Variants in SETD2 observed in about 807,000 individuals in gnomAD.
SETD2 encodes histone-lysine N-methyltransferase SETD2.
SETD2 carries 31 observed loss-of-function variants against 242.1 expected under a neutral mutation model. That is an observed-to-expected ratio of 0.13 (90% CI 0.10 to 0.17). The LOEUF is 0.17. SETD2 is among the 10% of genes least tolerant of loss of function. The pLI is 1.00. For synonymous variants in SETD2, 1,006 were observed against 1,066.5 expected (o/e 0.94, Z 1.11); for missense variants, 2,481 against 3,046.3 (o/e 0.81, Z 4.37).
At chr3:47,105,878 G>A (rs2042394507) in intron 6 of SETD2, 119 bp downstream of exon 6, 2 of 1,189,792 alleles carry the variant, frequency 1.7e-6, no homozygotes, top group Middle Eastern at 2.1e-4. Context: ...ACTCCAGCCT[G>A]GGCGATAGAG....
At chr3:47,153,627 C>A (rs1264534007) in intron 1 of SETD2, among the ~76,000 whole-genome samples, 1 of 152,094 alleles carries the variant, frequency 6.6e-6, no homozygotes, top group South Asian at 2.1e-4. Context: ...GTGGCGCATG[C>A]CTGTTGTCCC....
rs747391146 is a variant in SETD2, at chr3:47,122,790, C to G, written c.1846G>C (p.Ala616Pro). Residue 616 changes from alanine to proline, a missense_variant, in exon 3 of 21, where the codon GCT becomes CCT. This residue lies in a region of SETD2 where 1,300 missense variants were observed against 1,259.2 expected (regional missense o/e 1.03). Transcript: ENST00000409792. ...GAATCATTTAATCGATTTGATGGAG[C>G]TGGAGACCCAGCCTTTTCTCTTTCA... is the stretch of plus-strand genomic sequence containing the variant. ...NPEREKAGSP[A>P]PSNRLNDSPT... The G allele has an allele frequency of 3.7e-6, 6 of 1,612,694 alleles. 1 individual carries two copies. Among genetic ancestry groups the G allele is most frequent in the South Asian group, 2.2e-5 (2 of 90,850 alleles).
At chr3:47,097,884 C>T (rs2107673566) in intron 9 of SETD2, 71 bp downstream of exon 9, 12 of 1,521,734 alleles carry the variant, frequency 7.9e-6, no homozygotes, top group Admixed American at 5.1e-5. Flanking sequence ...ACTTTATAAC[C>T]TTCAATCAGA....
chr3:47,062,287 G>A lies in SETD2; in HGVS notation c.6169C>T (p.Pro2057Ser), dbSNP rs146911485. 1.3e-4 allele frequency: 213 copies of A among 1,613,644 alleles called. No individual in the cohort carries two copies. The highest frequency in any genetic ancestry group is 1.7e-4 in the Non-Finnish European group (198 of 1,179,930). The change falls in exon 14 of 21, where the codon CCT (proline) becomes TCT (serine). Residue 2057 changes from proline to serine, a missense_variant. Transcript: ENST00000409792. ...FRDQTPAPKTPNRSRERDPDK... is the reference protein window; with the variant it reads ...FRDQTPAPKTSNRSRERDPDK... ...GGGTCTCTCTCTCTTGACCTATTAGGAGTCTTCGGGGCAGGTGTTTGATCT... is the reference window on the plus strand; with the variant it reads ...GGGTCTCTCTCTCTTGACCTATTAGAAGTCTTCGGGGCAGGTGTTTGATCT...
At chr3:47,072,251 T>C (rs2040855841) in intron 12 of SETD2, among the ~76,000 whole-genome samples, 2 of 152,044 alleles carry the variant, frequency 1.3e-5, no homozygotes, top group African/African-American at 4.8e-5. Context: ...GAGCTTGCAG[T>C]GAGCTGAGAT....
At chr3:47,084,491 C>T (rs1176643919) in intron 11 of SETD2, 109 bp from the exon 12 acceptor site, 2 of 716,646 alleles carry the variant, frequency 2.8e-6, no homozygotes, top group Non-Finnish European at 4.6e-6. Flanking sequence ...ATGGCATGAT[C>T]TTGGCTCACT....
chr3:47,072,536 C>A (rs2040869664), intron 12 of SETD2, among the ~76,000 whole-genome samples: 1 of 151,776 alleles, frequency 6.6e-6, no homozygotes, highest in African/African-American at 2.4e-5. Context: ...AGACTGCAAG[C>A]AAGCCTGGGT....
At chr3:47,143,504 T>C (rs930029656) in intron 1 of SETD2, among the ~76,000 whole-genome samples, 2 of 152,156 alleles carry the variant, frequency 1.3e-5, no homozygotes, top group African/African-American at 2.4e-5. Flanking sequence ...AACAGAAAAA[T>C]AAGAGTATTT....
rs199660711 is a variant in SETD2, at chr3:47,161,753, A to AT, written c.71+2100dup. On this transcript the variant is annotated intron_variant, in intron 1 of 20. Coordinates refer to ENST00000409792, the MANE Select transcript of SETD2 (RefSeq NM_014159.7). Reference sequence around the variant, plus strand: ...GGATTCAAAACCAGTAACGTAATTTATTTTTTTTTAATTAGCTGGGTGTGG... The same window carrying AT: ...GGATTCAAAACCAGTAACGTAATTTATTTTTTTTTTAATTAGCTGGGTGTGG... Among the ~76,000 whole-genome samples the AT allele has an allele frequency of 2.4e-3, 367 of 151,440 alleles. 1 individual carries two copies. Among genetic ancestry groups the AT allele is most frequent in the Non-Finnish European group, 4.3e-3 (293 of 67,800 alleles).
intron 4 of SETD2, among the ~76,000 whole-genome samples, chr3:47,114,752 G>A (rs1204067239): frequency 7.2e-5 from 11 of 151,820 alleles, no homozygotes; most frequent in East Asian, 1.9e-4. Flanking sequence ...GATGGTGCAC[G>A]CCTGTAATCC....
chr3:47,137,241 G>A (rs943876976), intron 1 of SETD2, among the ~76,000 whole-genome samples: 16 of 151,988 alleles, frequency 1.1e-4, no homozygotes, highest in African/African-American at 3.9e-4. Flanking sequence ...TCGCCAGGCT[G>A]GATTGCAGTA....
chr3:47,057,476 G>T lies in SETD2; in HGVS notation c.6308C>A (p.Thr2103Asn). ...TTTAATTCGTACTTTCTTTTTAGAA[G>T]TTGGTGTATCATATCTAGAAAGAAA... is the stretch of plus-strand genomic sequence containing the variant. ...KRPDDRYDTP[T>N]SKKKVRIKDR... Residue 2103 changes from threonine (T) to asparagine (N), a missense_variant, in exon 15 of 21, where the codon ACT becomes AAT. By Grantham distance (65) the Thr-to-Asn change is moderately conservative. This residue lies in a region of SETD2 where 80 missense variants were observed against 102.6 expected (regional missense o/e 0.78). Transcript: ENST00000409792. 1.2e-6 allele frequency: 2 copies of T among 1,613,770 alleles called. No individual in the cohort carries two copies. Among genetic ancestry groups the T allele is most frequent in the Non-Finnish European group, 1.7e-6 (2 of 1,179,770 alleles).
intron 12 of SETD2, among the ~76,000 whole-genome samples, chr3:47,075,132 T>G (rs1421858520): frequency 7.0e-6 from 1 of 143,742 alleles, no homozygotes; most frequent in Non-Finnish European, 1.5e-5. Context: ...AGACTCCGTC[T>G]CTTAAAAAAA....
At position 47,106,074 on chromosome 3, in the gene SETD2, C is replaced by G; in HGVS notation, c.4762G>C (p.Glu1588Gln). 1 of 1,613,708 alleles carries G rather than the reference C, an allele frequency of 6.2e-7. No homozygotes were observed. The highest frequency in any genetic ancestry group is 8.5e-7 in the Non-Finnish European group (1 of 1,179,690). The change falls in exon 6 of 21, where the codon GAG becomes CAG. Residue 1588 changes from glutamate to glutamine, a missense_variant. By Grantham distance (29) the Glu-to-Gln change is conservative. Transcript: ENST00000409792. ...EYCGEVLDHK[E>Q]FKARVKEYAR... Reference sequence around the variant, plus strand: ...TACTCCTTCACTCGAGCTTTAAACTCTTTATGATCGAGTACCTCTCCACAA... The same window carrying G: ...TACTCCTTCACTCGAGCTTTAAACTGTTTATGATCGAGTACCTCTCCACAA...
intron 1 of SETD2, among the ~76,000 whole-genome samples, chr3:47,141,480 C>T (rs1005680156): frequency 2.6e-5 from 4 of 152,056 alleles, no homozygotes; most frequent in African/African-American, 9.7e-5. Flanking sequence ...AATAAAAACA[C>T]AGAAATAAAA....
intron 15 of SETD2, among the ~76,000 whole-genome samples, chr3:47,049,247 TA>T (rs1436918313): frequency 3.4e-5 from 5 of 146,872 alleles, no homozygotes; most frequent in Non-Finnish European, 7.5e-5. Context: ...CTGGGCCAAA[TA>T]TTTTTTTTAT....
chr3:47,130,179 T>C (rs1173292462), intron 1 of SETD2, among the ~76,000 whole-genome samples: 1 of 152,136 alleles, frequency 6.6e-6, no homozygotes, highest in Non-Finnish European at 1.5e-5. Context: ...GGCAAGAAGT[T>C]GAGAGAACTG....
intron 17 of SETD2, among the ~76,000 whole-genome samples, chr3:47,039,884 CAAAA>C (rs201543639): frequency 4.0e-5 from 3 of 75,020 alleles, no homozygotes; most frequent in African/African-American, 5.0e-5. Flanking sequence ...AACTCTGTCT[CAAAA>C]AAAAAAAAAA....
At chr3:47,049,910 G>T (rs1575688999) in intron 15 of SETD2, among the ~76,000 whole-genome samples, 1 of 68,770 alleles carries the variant, frequency 1.5e-5, no homozygotes. Context: ...AACTTATTCT[G>T]AATTTATATA....
Sources: gnomAD v4.1 joint callset for allele counts (sites outside exome capture counted in the v4.1 genomes callset) on GRCh38, gnomAD v4.1.1 for gene constraint, gnomAD v4.1.1 regional missense constraint, MANE v1.5 for transcripts, NCBI Gene and HGNC (gene_info 2026-07-23, HGNC 2026-07-21) for gene names.